ASTN2: variants seen among roughly 807,000 people sequenced by gnomAD.
ASTN2 encodes astrotactin-2.
A neutral mutation model predicts 139.8 loss-of-function variants in ASTN2; 54 were observed. The observed-to-expected ratio is 0.39, with a 90% CI of 0.31 to 0.48. The LOEUF is 0.48. Ranked by LOEUF, ASTN2 falls within the 20% of genes least tolerant of loss-of-function variation. The pLI is 0.95. For missense variants in ASTN2, 1,565 were observed against 1,725.1 expected (o/e 0.91, Z 1.64); for synonymous variants, 756 against 719.5 (o/e 1.05, Z -0.81).
intron 1 of ASTN2, among the ~76,000 whole-genome samples, chr9:117,384,650 AC>A (rs1830352062): frequency 6.6e-6 from 1 of 152,338 alleles, no homozygotes; most frequent in Middle Eastern, 3.4e-3. Flanking sequence ...GAGAGGGTTG[AC>A]TGTGACAATC....
In ASTN2 at chr9:117,034,411, G is replaced by A. The variant is rs147165983; in HGVS notation, c.1423+5408C>T. 2.8e-3 allele frequency among the ~76,000 whole-genome samples: 431 copies of A among 152,266 alleles called. 2 individuals are homozygous for A. The highest frequency in any genetic ancestry group is 0.01 in the African/African-American group (419 of 41,566). ...ATAGACCACTCACATTATATCCAATGCTAATGATAGTTACTGGAGTTATGC... is the reference window on the plus strand; with the variant it reads ...ATAGACCACTCACATTATATCCAATACTAATGATAGTTACTGGAGTTATGC... On this transcript the variant is annotated intron_variant, in intron 6 of 22. Transcript: ENST00000313400.
intron 16 of ASTN2, among the ~76,000 whole-genome samples, chr9:116,720,154 T>C (rs1300651968): frequency 6.6e-6 from 1 of 152,194 alleles, no homozygotes; most frequent in African/African-American, 2.4e-5. Flanking sequence ...TGAGATGCCT[T>C]TTAAACAGCC....
At chr9:116,571,254 G>A (rs546930398) in intron 19 of ASTN2, among the ~76,000 whole-genome samples, 3 of 152,300 alleles carry the variant, frequency 2.0e-5, no homozygotes, top group Admixed American at 1.3e-4. Flanking sequence ...CCCCAAGGGA[G>A]CCACCTGAAA....
Position 116,818,588 on chromosome 9 carries a change from C to T in ASTN2, c.2207+2029G>A, listed in dbSNP as rs537002295. Among the ~76,000 whole-genome samples the T allele has an allele frequency of 3.2e-4, 48 of 152,214 alleles. No homozygotes were observed. In the South Asian group the frequency reaches 4.2e-3, roughly 13 times the overall value. ...CTCACCCATTCAATCTTCTTTAAGA[C>T]GCTCACAGTCCTTTCACAATATATT... On this transcript the variant is annotated intron_variant, in intron 12 of 22. Transcript: ENST00000313400.
intron 10 of ASTN2, among the ~76,000 whole-genome samples, chr9:116,917,359 C>T (rs879327585): frequency 6.6e-6 from 1 of 151,724 alleles, no homozygotes; most frequent in Non-Finnish European, 1.5e-5. Flanking sequence ...ACCATAAGCT[C>T]TAAGAGGGCA....
intron 16 of ASTN2, among the ~76,000 whole-genome samples, chr9:116,692,588 A>G (rs1860626516): frequency 6.6e-6 from 1 of 152,188 alleles, no homozygotes; most frequent in South Asian, 2.1e-4. Flanking sequence ...CGTCTCCACA[A>G]TAAGTAGTAG....
intron 2 of ASTN2, among the ~76,000 whole-genome samples, chr9:117,246,072 A>G (rs1466044752): frequency 1.3e-5 from 2 of 152,208 alleles, no homozygotes; most frequent in Non-Finnish European, 2.9e-5. Flanking sequence ...AGACAAAATA[A>G]CATGTTTTCT....
At position 116,698,302 on chromosome 9, in the gene ASTN2, A is replaced by C; in HGVS notation, c.2806+27469T>G. 1 of 1,614,164 alleles carries C rather than the reference A, an allele frequency of 6.2e-7. No homozygotes were observed. Among genetic ancestry groups the C allele is most frequent in the Non-Finnish European group, 8.5e-7 (1 of 1,180,040 alleles). On this transcript the variant is annotated intron_variant, in intron 16 of 22. Transcript: ENST00000313400. The surrounding 1 kb of genome is among the most constrained non-coding windows in gnomAD (Gnocchi z 4.4). ...GCAAGGTATAAAGCAGTTCTCCAGG[A>C]GTATGGGCATGAGGAGCGCAGGGTC...
At chr9:116,538,285 G>A (rs865996764) in intron 19 of ASTN2, among the ~76,000 whole-genome samples, 5 of 151,378 alleles carry the variant, frequency 3.3e-5, no homozygotes, top group South Asian at 2.1e-4. Flanking sequence ...AGGAGCAAAC[G>A]GAGGAATGAA....
At chr9:116,426,298 G>A (rs1847307997) in intron 22 of ASTN2, among the ~76,000 whole-genome samples, 1 of 152,068 alleles carries the variant, frequency 6.6e-6, no homozygotes. Flanking sequence ...ATGAAAAAGA[G>A]GTAGAGCCTT....
At chr9:116,730,839 ATCT>A (rs1828757571) in intron 14 of ASTN2, among the ~76,000 whole-genome samples, 1 of 152,122 alleles carries the variant, frequency 6.6e-6, no homozygotes, top group South Asian at 2.1e-4. Flanking sequence ...TTGTAAAACC[ATCT>A]TCTCACTCCA....
intron 4 of ASTN2, among the ~76,000 whole-genome samples, chr9:117,131,563 A>G (rs1054241657): frequency 7.2e-5 from 11 of 152,164 alleles, no homozygotes; most frequent in African/African-American, 2.7e-4. Flanking sequence ...ATTAAATGAG[A>G]GTCTGGTACT....
At chr9:116,955,386 G>A (rs575273582) in intron 10 of ASTN2, among the ~76,000 whole-genome samples, 76 of 152,294 alleles carry the variant, frequency 5.0e-4, no homozygotes, top group African/African-American at 1.7e-3. Context: ...GGCAACTGGG[G>A]GCTTTTGAAT....
At chr9:116,631,690 T>C (rs1856752826) in intron 17 of ASTN2, among the ~76,000 whole-genome samples, 2 of 152,190 alleles carry the variant, frequency 1.3e-5, no homozygotes, top group Non-Finnish European at 2.9e-5. Flanking sequence ...AATAATGTAT[T>C]GTATTCAAAA....
At chr9:117,304,562 G>C (rs540022105) in intron 1 of ASTN2, among the ~76,000 whole-genome samples, 1 of 152,288 alleles carries the variant, frequency 6.6e-6, no homozygotes, top group Non-Finnish European at 1.5e-5. Context: ...TCTAATCAAA[G>C]TCTCTGTGGC....
At chr9:116,967,874 C>T (rs1450584779) in intron 10 of ASTN2, among the ~76,000 whole-genome samples, 1 of 152,158 alleles carries the variant, frequency 6.6e-6, no homozygotes, top group Non-Finnish European at 1.5e-5. Context: ...CATCAATGCA[C>T]AATGTGATCC....
At chr9:116,872,735 G>T (rs1384133166) in intron 10 of ASTN2, among the ~76,000 whole-genome samples, 2 of 152,160 alleles carry the variant, frequency 1.3e-5, no homozygotes, top group South Asian at 4.1e-4. Context: ...ATTAGGTAAA[G>T]GGGGATAAAT....
chr9:117,103,976 T>A (rs1327632466), intron 4 of ASTN2, among the ~76,000 whole-genome samples: 4 of 116,006 alleles, frequency 3.4e-5, no homozygotes, highest in Non-Finnish European at 7.6e-5. Context: ...ATCAGGCACC[T>A]GCTATAGGCC....
chr9:117,254,864 A>C (rs143664570), intron 2 of ASTN2, among the ~76,000 whole-genome samples: 130 of 151,812 alleles, frequency 8.6e-4, no homozygotes, highest in African/African-American at 2.9e-3. Flanking sequence ...ATTCCATTCT[A>C]TTTTTTATGC....
Sources: allele counts gnomAD v4.1 joint callset (sites outside exome capture counted in the v4.1 genomes callset), GRCh38; gene constraint gnomAD v4.1.1; non-coding constraint Gnocchi (gnomAD v3.1); transcripts MANE v1.5; gene names NCBI Gene and HGNC (gene_info 2026-07-23, HGNC 2026-07-21).